Variants in FAT4 observed in about 807,000 individuals in gnomAD.
The protein encoded by FAT4 is protocadherin Fat 4.
FAT4 carries 84 observed loss-of-function variants against 303.9 expected under a neutral mutation model. The ratio of observed to expected loss-of-function variants is 0.28; its 90% CI spans 0.23 to 0.33. The LOEUF (loss-of-function observed/expected upper bound fraction) is 0.33. Among genes scored for constraint, FAT4 ranks in the 10% least tolerant of loss-of-function variants. The pLI is 1.00. For missense variants in FAT4, 6,005 were observed against 6,146.8 expected (o/e 0.98, Z 0.77); for synonymous variants, 2,307 against 2,298.8 (o/e 1.00, Z -0.10).
At chr4:125,424,253 GTGGGTGGTAATTAAATCA>G (rs2126035363) in intron 7 of FAT4, among the ~76,000 whole-genome samples, 1 of 152,284 alleles carries the variant, frequency 6.6e-6, no homozygotes, top group African/African-American at 2.4e-5. Flanking sequence ...GAGGGACCTA[GTGGGTGGTAATTAAATCA>G]TGGGGGCAGT....
intron 9 of FAT4, among the ~76,000 whole-genome samples, chr4:125,447,008 G>A (rs1462484559): frequency 6.6e-6 from 1 of 151,992 alleles, no homozygotes; most frequent in South Asian, 2.1e-4. Flanking sequence ...TCATAGATAT[G>A]TTTTCAAAAA....
intron 2 of FAT4, among the ~76,000 whole-genome samples, chr4:125,388,629 C>G (rs976486997): frequency 6.6e-6 from 1 of 152,078 alleles, no homozygotes; most frequent in Non-Finnish European, 1.5e-5. Context: ...TTTTGAGCAT[C>G]CTTAAGAATT....
At chr4:125,369,986 G>A (rs1471197441) in intron 2 of FAT4, among the ~76,000 whole-genome samples, 5 of 151,440 alleles carry the variant, frequency 3.3e-5, no homozygotes, top group Non-Finnish European at 1.5e-5. Flanking sequence ...GTATTCCATT[G>A]TATGTATATA....
chr4:125,402,467 G>A (rs565983896), intron 3 of FAT4, among the ~76,000 whole-genome samples: 3 of 152,032 alleles, frequency 2.0e-5, no homozygotes, highest in Non-Finnish European at 4.4e-5. Flanking sequence ...CAATAAATAC[G>A]TTAGATATTC....
chr4:125,332,348 T>C (rs1731417057), intron 2 of FAT4, among the ~76,000 whole-genome samples: 1 of 152,166 alleles, frequency 6.6e-6, no homozygotes, highest in African/African-American at 2.4e-5. Flanking sequence ...CTGCCCAGTC[T>C]GGTGTTAATG....
In FAT4 at chr4:125,477,340, G is replaced by T; in HGVS notation, c.12479+6G>T. The stretch of plus-strand genomic sequence containing the variant: ...GCACAAGGCATCCTAGATCAGTATG[G>T]CGATTTTATTTCTTACTGTTTTAAA... On this transcript the variant is annotated splice_donor_region_variant and intron_variant, in intron 14 of 17. Coordinates refer to ENST00000394329, the MANE Select transcript of FAT4 (RefSeq NM_001291303.3). 1 of 1,546,998 alleles carries T rather than the reference G, an allele frequency of 6.5e-7. No homozygotes were observed. Among genetic ancestry groups the T allele is most frequent in the Non-Finnish European group, 8.7e-7 (1 of 1,143,792 alleles).
intron 8 of FAT4, among the ~76,000 whole-genome samples, chr4:125,439,904 A>G (rs1001404690): frequency 2.0e-5 from 3 of 152,194 alleles, no homozygotes; most frequent in Admixed American, 1.3e-4. Flanking sequence ...TTCTGCATCA[A>G]TAAAAATGAA....
intron 2 of FAT4, among the ~76,000 whole-genome samples, chr4:125,356,537 G>GTTTT (rs1432744389): frequency 1.1e-4 from 13 of 118,724 alleles, no homozygotes; most frequent in African/African-American, 4.1e-4. Flanking sequence ...GATATAGGGT[G>GTTTT]TTTTGTTTTT....
Position 125,490,694 on chromosome 4 carries a change from C to T in FAT4, c.13878C>T (p.Asn4626=), listed in dbSNP as rs369989432. 5.1e-5 allele frequency: 83 copies of T among 1,614,156 alleles called. No individual in the cohort carries two copies. Among genetic ancestry groups the T allele is most frequent in the African/African-American group, 2.7e-4 (20 of 75,034 alleles). Reference sequence around the variant, plus strand: ...AGATAGAGCACTATGACATTGACAACGCCAGCAGCATCGCCCCTTCGGATG... The same window carrying T: ...AGATAGAGCACTATGACATTGACAATGCCAGCAGCATCGCCCCTTCGGATG... ...EQEIEHYDID[N]ASSIAPSDAD... is the part of the protein sequence containing the mutation. The change falls in exon 18 of 18, where the codon AAC becomes AAT. Residue 4626 remains asparagine (N), a synonymous_variant. Transcript: ENST00000394329.
At chr4:125,476,670 A>C (rs2126083328) in intron 13 of FAT4, among the ~76,000 whole-genome samples, 1 of 152,338 alleles carries the variant, frequency 6.6e-6, no homozygotes, top group Non-Finnish European at 1.5e-5. Context: ...CCAGAAAATA[A>C]GTGATTTTAA....
At chr4:125,404,643 A>C (rs62322574) in intron 3 of FAT4, among the ~76,000 whole-genome samples, 47,976 of 152,062 alleles carry the variant, frequency 0.32, 9,188 homozygotes, top group Non-Finnish European at 0.43. Context: ...ATTGTTAACT[A>C]TAGGCACGAT....
chr4:125,319,681 A>G lies in FAT4; in HGVS notation c.3270A>G (p.Leu1090=), dbSNP rs779976909. ...CTACTGTGAATGTTACTGTAATTTT[A>G]GAAGATGTAAATGATAACAGACCTC... The part of the protein sequence containing the change: ...LSATVNVTVI[L]EDVNDNRPLF... Residue 1090 remains leucine (L), a synonymous_variant, in exon 2 of 18, where the codon TTA becomes TTG. Coordinates refer to ENST00000394329, the MANE Select transcript of FAT4 (RefSeq NM_001291303.3). The G allele has an allele frequency of 2.2e-5, 36 of 1,613,976 alleles. No homozygotes were observed. The Middle Eastern group carries it at 2.1e-3, about 96-fold the overall frequency.
chr4:125,396,189 C>T (rs955278494), intron 2 of FAT4, among the ~76,000 whole-genome samples: 1 of 151,966 alleles, frequency 6.6e-6, no homozygotes, highest in Non-Finnish European at 1.5e-5. Context: ...TACCACTGGA[C>T]TTTCATTAAC....
chr4:125,462,995 A>T lies in FAT4; in HGVS notation c.11801-568A>T, dbSNP rs1035207395. ...TATTATCGCTTCAGACAAAAGACAA[A>T]GTATACATAATCTGTAGTCAAGAAT... On this transcript the variant is annotated intron_variant, in intron 10 of 17. Transcript: ENST00000394329. 2.6e-5 allele frequency among the ~76,000 whole-genome samples: 4 copies of T among 152,056 alleles called. No individual in the cohort carries two copies. In the East Asian group the frequency reaches 7.7e-4, roughly 29 times the overall value.
rs561717650 is a variant in FAT4 at position 125,345,463 on chromosome 4, C to A, written c.5175+23877C>A. Among the ~76,000 whole-genome samples, 212 of 151,328 alleles carry A rather than the reference C, an allele frequency of 1.4e-3. 3 individuals are homozygous for A. The South Asian group carries it at 0.041, about 29-fold the overall frequency. ...AAGAAGTATTGAAAAAAAAAACACACAAAAAGTGGTGACAAAAATACTTAT... is the reference window on the plus strand; with the variant it reads ...AAGAAGTATTGAAAAAAAAAACACAAAAAAAGTGGTGACAAAAATACTTAT... On this transcript the variant is annotated intron_variant, in intron 2 of 17. Coordinates refer to ENST00000394329, the MANE Select transcript of FAT4 (RefSeq NM_001291303.3).
Position 125,316,460 on chromosome 4 carries a change from C to T in FAT4, c.49C>T (p.His17Tyr), listed in dbSNP as rs750838482. 1 of 1,613,746 alleles carries T rather than the reference C, an allele frequency of 6.2e-7. No homozygotes were observed. Among genetic ancestry groups the T allele is most frequent in the Non-Finnish European group, 8.5e-7 (1 of 1,179,934 alleles). ...RATGRPWLPL[H>Y]TLSVSQLLRV... is the part of the protein sequence containing the mutation. The stretch of plus-strand genomic sequence containing the variant: ...TACTGGCCGCCCGTGGCTCCCGTTG[C>T]ACACTCTATCAGTATCTCAGCTCCT... Residue 17 changes from histidine to tyrosine, a missense_variant, in exon 2 of 18, where the codon CAC becomes TAC. By Grantham distance (83) the His-to-Tyr change is moderately conservative (BLOSUM62 2). Transcript: ENST00000394329. The surrounding 1 kb of genome is among the most constrained non-coding windows in gnomAD (Gnocchi z 5.7).
At chr4:125,483,999 G>T (rs1578696924) in intron 16 of FAT4, among the ~76,000 whole-genome samples, 1 of 17,008 alleles carries the variant, frequency 5.9e-5, no homozygotes, top group Non-Finnish European at 1.1e-4. Context: ...CTTATGGTTT[G>T]CATTCTCTCT....
In FAT4 at chr4:125,319,512, C is replaced by A. The variant is rs1457837705; in HGVS notation, c.3101C>A (p.Thr1034Asn). The A allele has an allele frequency of 1.2e-6, 2 of 1,614,032 alleles. No individual in the cohort carries two copies. Residue 1034 changes from threonine to asparagine, a missense_variant, in exon 2 of 18, where the codon ACC becomes AAC. By Grantham distance (65) the Thr-to-Asn change is moderately conservative (BLOSUM62 0). Coordinates refer to ENST00000394329, the MANE Select transcript of FAT4 (RefSeq NM_001291303.3). ...DSGANGEIAY[T>N]IAEGNTGDAF... ...GGAGCAAATGGTGAAATTGCATACA[C>A]CATTGCTGAAGGAAATACAGGGGAT...
chr4:125,408,457 A>T lies in FAT4; in HGVS notation c.5583A>T (p.Ala1861=), dbSNP rs769096110. 6 of 1,596,324 alleles carry T rather than the reference A, an allele frequency of 3.8e-6. No homozygotes were observed. The highest frequency in any genetic ancestry group is 5.1e-6 in the Non-Finnish European group (6 of 1,172,856). ...PEDTIPGSLV[A]AILATDDDSG... ...TTCTTTTGATAGGTTCTTTGGTAGCAGCCATTTTAGCCACGGATGATGACT... is the reference window on the plus strand; with the variant it reads ...TTCTTTTGATAGGTTCTTTGGTAGCTGCCATTTTAGCCACGGATGATGACT... The change falls in exon 5 of 18, where the codon GCA becomes GCT. Residue 1861 remains alanine, a synonymous_variant. Coordinates refer to ENST00000394329, the MANE Select transcript of FAT4 (RefSeq NM_001291303.3).
Sources: allele counts gnomAD v4.1 joint callset (sites outside exome capture counted in the v4.1 genomes callset), GRCh38; gene constraint gnomAD v4.1.1; non-coding constraint Gnocchi (gnomAD v3.1); transcripts MANE v1.5; gene names NCBI Gene and HGNC (gene_info 2026-07-23, HGNC 2026-07-21).